ZNF33A: variants seen among roughly 807,000 people sequenced by gnomAD.
The protein encoded by ZNF33A is brain my041 protein.
Under a neutral mutation model 15.9 loss-of-function variants are expected in ZNF33A, and 9 were observed. The ratio of observed to expected loss-of-function variants is 0.57; its 90% CI spans 0.34 to 0.99. ZNF33A has a LOEUF of 0.99. ZNF33A is among the 50% of genes least tolerant of loss of function. ZNF33A has a pLI of 0.02. For synonymous variants in ZNF33A, 294 were observed against 324.2 expected (o/e 0.91, Z 1.00); for missense variants, 843 against 941.6 (o/e 0.90, Z 1.37).
chr10:38,055,678 T>A lies in ZNF33A; in HGVS notation c.1554T>A (p.Ile518=), dbSNP rs768234349. The part of the protein sequence containing the change: ...HKSLLTRHQI[I]HTGWKPYECY... ...CATTACTCACCAGGCATCAGATAAT[T>A]CATACAGGGTGGAAACCTTATGAAT... Residue 518 remains isoleucine, a synonymous_variant, in exon 5 of 5, where the codon ATT becomes ATA. Transcript: ENST00000432900. 1 of 1,613,500 alleles carries A rather than the reference T, an allele frequency of 6.2e-7. No homozygotes were observed. The highest frequency in any genetic ancestry group is 8.5e-7 in the Non-Finnish European group (1 of 1,179,894).
intron 2 of ZNF33A, among the ~76,000 whole-genome samples, chr10:38,015,390 C>G (rs1169468608): frequency 1.3e-5 from 2 of 152,088 alleles, no homozygotes; most frequent in Admixed American, 1.3e-4. Context: ...ACTGCAACGT[C>G]TGCCTCCCAG....
chr10:38,027,960 G>A (rs1310555955), intron 4 of ZNF33A, among the ~76,000 whole-genome samples: 1 of 151,958 alleles, frequency 6.6e-6, no homozygotes, highest in Admixed American at 6.6e-5. Flanking sequence ...GTTTGTTTTG[G>A]ACAATGTGTA....
intron 4 of ZNF33A, among the ~76,000 whole-genome samples, chr10:38,037,523 G>A (rs1205292125): frequency 7.9e-5 from 12 of 151,682 alleles, no homozygotes; most frequent in African/African-American, 2.9e-4. Flanking sequence ...ATGGAGTTTC[G>A]TCATATTGGC....
Position 38,058,036 on chromosome 10 carries a change from TC to T in ZNF33A, c.*1477del. ...TTACATGATCAGATCATACAAATAA[TC>T]TAAGATTATACAGTCTAGTGATCCT... On this transcript the variant is annotated 3_prime_UTR_variant, in exon 5 of 5. Coordinates refer to ENST00000432900, the MANE Select transcript of ZNF33A (RefSeq NM_006954.2). 1.0e-6 allele frequency: 1 copy of T among 985,052 alleles called. No homozygotes were observed. Among genetic ancestry groups the T allele is most frequent in the Non-Finnish European group, 1.2e-6 (1 of 829,630 alleles). 61.0% of individuals were successfully genotyped at this position (985,052 alleles called of 1,614,324 possible).
rs2066615469 is a variant in ZNF33A, at chr10:38,059,533, A to C, written c.*2973A>C. 2 of 152,230 alleles carry C rather than the reference A, an allele frequency of 1.3e-5. No homozygotes were observed. Among genetic ancestry groups the C allele is most frequent in the Admixed American group, 1.3e-4 (2 of 15,288 alleles). 9.4% of individuals were successfully genotyped at this position (152,230 alleles called of 1,614,324 possible). On this transcript the variant is annotated 3_prime_UTR_variant, in exon 5 of 5. Coordinates refer to ENST00000432900, the MANE Select transcript of ZNF33A (RefSeq NM_006954.2). ...GATACAGTCCTCAGGTAGATGATAA[A>C]AAGGAATTGGACATCAAGTCATTAA... is the stretch of plus-strand genomic sequence containing the variant.
intron 4 of ZNF33A, among the ~76,000 whole-genome samples, chr10:38,050,413 G>A (rs2066148832): frequency 1.3e-5 from 2 of 152,238 alleles, no homozygotes; most frequent in African/African-American, 4.8e-5. Context: ...GTCACATGTT[G>A]CTGCACTCTT....
At chr10:38,029,338 A>G (rs1218552322) in intron 4 of ZNF33A, among the ~76,000 whole-genome samples, 1 of 152,188 alleles carries the variant, frequency 6.6e-6, no homozygotes, top group Non-Finnish European at 1.5e-5. Flanking sequence ...CTCAGATGAT[A>G]GTTTTTTTCT....
At chr10:38,036,161 C>T (rs1177848344) in intron 4 of ZNF33A, among the ~76,000 whole-genome samples, 2 of 152,084 alleles carry the variant, frequency 1.3e-5, no homozygotes, top group Non-Finnish European at 2.9e-5. Flanking sequence ...TTAATGTGGC[C>T]GGGTACGTTG....
chr10:38,047,055 C>CT (rs1188872120), intron 4 of ZNF33A, among the ~76,000 whole-genome samples: 8 of 151,626 alleles, frequency 5.3e-5, no homozygotes, highest in Admixed American at 5.3e-4. Context: ...TGGTGCATGC[C>CT]TGTGGTCCTA....
At chr10:38,044,114 T>C (rs1376697582) in intron 4 of ZNF33A, 1 of 152,122 alleles carries the variant, frequency 6.6e-6, no homozygotes, top group Non-Finnish European at 1.5e-5. Flanking sequence ...ATCACTCTTA[T>C]TTCTCTCTGT....
At chr10:38,050,747 C>T (rs2066165713) in intron 4 of ZNF33A, among the ~76,000 whole-genome samples, 2 of 152,356 alleles carry the variant, frequency 1.3e-5, no homozygotes, top group South Asian at 2.1e-4. Context: ...CTCCCCTGAG[C>T]CTGTCCCTCT....
At chr10:38,021,752 G>T (rs1244198713) in intron 4 of ZNF33A, among the ~76,000 whole-genome samples, 1 of 152,116 alleles carries the variant, frequency 6.6e-6, no homozygotes, top group Non-Finnish European at 1.5e-5. Flanking sequence ...ATAAGCCTTG[G>T]CAGATTTAAA....
At chr10:38,063,104 C>A (rs1408923368), downstream of ZNF33A, among the ~76,000 whole-genome samples, 1 of 151,444 alleles carries the variant, frequency 6.6e-6, no homozygotes, top group Non-Finnish European at 1.5e-5. Context: ...CTAAAGAAAC[C>A]CTAAAGCAAA....
At position 38,054,948 on chromosome 10, in the gene ZNF33A, A is replaced by T. The variant is rs771417081; in HGVS notation, c.824A>T (p.Tyr275Phe). The T allele has an allele frequency of 1.2e-6, 2 of 1,614,062 alleles. No individual in the cohort carries two copies. Among genetic ancestry groups the T allele is most frequent in the Non-Finnish European group, 1.7e-6 (2 of 1,179,964 alleles). ...HQISPSRDNH[Y>F]EFSDCEKFLC... ...ATATCTCCGTCAAGGGACAATCACTATGAATTTAGTGATTGTGAGAAGTTC... is the reference window on the plus strand; with the variant it reads ...ATATCTCCGTCAAGGGACAATCACTTTGAATTTAGTGATTGTGAGAAGTTC... The change falls in exon 5 of 5, where the codon TAT becomes TTT. Residue 275 changes from tyrosine to phenylalanine, a missense_variant. Physicochemically the swap from Tyr to Phe is conservative, Grantham distance 22. Coordinates refer to ENST00000432900, the MANE Select transcript of ZNF33A (RefSeq NM_006954.2).
At chr10:38,041,564 A>G (rs1158565660) in intron 4 of ZNF33A, among the ~76,000 whole-genome samples, 1 of 152,006 alleles carries the variant, frequency 6.6e-6, no homozygotes, top group African/African-American at 2.4e-5. Flanking sequence ...TTAAAACCCA[A>G]CAATACATTG....
At position 38,016,869 on chromosome 10, in the gene ZNF33A, A is replaced by G. The variant is rs2064472210; in HGVS notation, c.10-2A>G. The G allele has an allele frequency of 1.2e-6, 2 of 1,613,370 alleles. No individual in the cohort carries two copies. Among genetic ancestry groups the G allele is most frequent in the Non-Finnish European group, 1.7e-6 (2 of 1,179,840 alleles). ...CATGCCACCTAATTCTGAATGTTTC[A>G]GGTAGAACAGAAGTCCCAGGAGTCA... On this transcript the variant is annotated splice_acceptor_variant, in intron 2 of 4. Coordinates refer to ENST00000432900, the MANE Select transcript of ZNF33A (RefSeq NM_006954.2). LOFTEE classifies it high-confidence loss of function.
chr10:38,034,197 A>T (rs2065340082), intron 4 of ZNF33A, among the ~76,000 whole-genome samples: 1 of 152,244 alleles, frequency 6.6e-6, no homozygotes, highest in South Asian at 2.1e-4. Context: ...TTGAACCAAC[A>T]TTGGTACATG....
At chr10:38,016,828 C>T in intron 2 of ZNF33A, 43 bp from the exon 3 acceptor site, 1 of 1,603,402 alleles carries the variant, frequency 6.2e-7, no homozygotes, top group Non-Finnish European at 8.5e-7. Flanking sequence ...TAAGGATTAG[C>T]CCATACTTCT....
Position 38,054,709 on chromosome 10 carries a change from A to G in ZNF33A, c.585A>G (p.Lys195=). 1 of 1,613,808 alleles carries G rather than the reference A, an allele frequency of 6.2e-7. No homozygotes were observed. The highest frequency in any genetic ancestry group is 1.3e-5 in the African/African-American group (1 of 75,038). ...THTQEKNEVL[K]NRNTLSHHEE... ...CTCAAGAGAAAAATGAAGTTTTGAA[A>G]AATAGGAACACACTGAGTCATCATG... The change falls in exon 5 of 5, where the codon AAA becomes AAG. Residue 195 remains lysine, a synonymous_variant. Coordinates refer to ENST00000432900, the MANE Select transcript of ZNF33A (RefSeq NM_006954.2).
Sources: allele counts gnomAD v4.1 joint callset (sites outside exome capture counted in the v4.1 genomes callset), GRCh38; gene constraint gnomAD v4.1.1; transcripts MANE v1.5; gene names NCBI Gene and HGNC (gene_info 2026-07-23, HGNC 2026-07-21).